ASXL3: variants seen among roughly 807,000 people sequenced by gnomAD.
The protein encoded by ASXL3 is ASXL transcriptional regulator 3, also known as putative Polycomb group protein ASXL3.
In ASXL3, 34 loss-of-function variants were observed where a neutral mutation model predicts 170.6. That is an observed-to-expected ratio of 0.20 (90% CI 0.15 to 0.27). The LOEUF is 0.27. ASXL3 is among the 10% of genes least tolerant of loss of function. The pLI, the probability that ASXL3 is intolerant of heterozygous loss-of-function variation, is 1.00. For synonymous variants in ASXL3, 1,002 were observed against 989.1 expected, an observed-to-expected ratio of 1.01 and a Z score of -0.24; for missense variants, 2,592 against 2,695.3, an observed-to-expected ratio of 0.96 and a Z score of 0.85.
At chr18:33,662,844 A>G (rs1001103783) in intron 5 of ASXL3, among the ~76,000 whole-genome samples, 6 of 152,196 alleles carry the variant, frequency 3.9e-5, no homozygotes, top group Non-Finnish European at 7.4e-5. Context: ...TTTAAGTTCC[A>G]CCAACCACTG....
At chr18:33,607,154 A>G (rs1433585746) in intron 1 of ASXL3, among the ~76,000 whole-genome samples, 1 of 151,990 alleles carries the variant, frequency 6.6e-6, no homozygotes, top group Non-Finnish European at 1.5e-5. Flanking sequence ...CCGTGAATCC[A>G]GTGAGGCTGT....
chr18:33,624,612 C>T (rs2065572040), intron 2 of ASXL3, among the ~76,000 whole-genome samples: 1 of 152,090 alleles, frequency 6.6e-6, no homozygotes, highest in South Asian at 2.1e-4. Flanking sequence ...TGCCCATTAT[C>T]TGATGGGTAT....
intron 1 of ASXL3, among the ~76,000 whole-genome samples, chr18:33,597,166 A>G (rs1165001946): frequency 3.9e-5 from 6 of 152,108 alleles, no homozygotes; most frequent in Non-Finnish European, 7.3e-5. Context: ...TATATAATAC[A>G]TGCATAAGTC....
chr18:33,720,216 C>T (rs2067236014), intron 8 of ASXL3, among the ~76,000 whole-genome samples: 1 of 152,018 alleles, frequency 6.6e-6, no homozygotes, highest in South Asian at 2.1e-4. Context: ...GTGCAAGGCT[C>T]TTGGATCAGC....
chr18:33,655,927 T>C (rs1340153933), intron 4 of ASXL3, among the ~76,000 whole-genome samples: 1 of 152,212 alleles, frequency 6.6e-6, no homozygotes, highest in Non-Finnish European at 1.5e-5. Flanking sequence ...ATTAATGGTC[T>C]ATATCTAGAC....
At chr18:33,616,605 T>A (rs1432280933) in intron 2 of ASXL3, 1 of 152,198 alleles carries the variant, frequency 6.6e-6, no homozygotes, top group African/African-American at 2.4e-5. Flanking sequence ...TGTGATTGTC[T>A]TAGTCAGCTT....
Position 33,744,716 on chromosome 18 carries a change from C to G in ASXL3, c.4868C>G (p.Thr1623Ser), listed in dbSNP as rs778114684. 6.2e-7 allele frequency: 1 copy of G among 1,613,052 alleles called. No individual in the cohort carries two copies. Among genetic ancestry groups the G allele is most frequent in the Non-Finnish European group, 8.5e-7 (1 of 1,179,442 alleles). Residue 1623 changes from threonine to serine, a missense_variant, in exon 12 of 12, where the codon ACT (threonine) becomes AGT (serine). Around this residue, in one of 4 missense-constraint regions of ASXL3, gnomAD observed 2,246 missense variants for 2,219.6 expected, o/e 1.01. Coordinates refer to ENST00000269197, the MANE Select transcript of ASXL3 (RefSeq NM_030632.3). ...AGGAGCACAGGACAGCCTCTGGTTA[C>G]TCACTCGGGTTCAAGTAAACAAAAA... is the stretch of plus-strand genomic sequence containing the variant. ...GMRSTGQPLVTHSGSSKQKEY... is the reference protein window; with the variant it reads ...GMRSTGQPLVSHSGSSKQKEY...
intron 4 of ASXL3, among the ~76,000 whole-genome samples, chr18:33,659,635 C>G (rs1418639937): frequency 1.3e-5 from 2 of 152,104 alleles, no homozygotes; most frequent in East Asian, 3.9e-4. Context: ...AGACTATAAA[C>G]TGATTATTAT....
rs2064959612 is a variant in ASXL3 at position 33,578,336 on chromosome 18, C to T, written c.-296C>T. 7.1e-6 allele frequency: 1 copy of T among 139,896 alleles called. No individual in the cohort carries two copies. Among genetic ancestry groups the T allele is most frequent in the Non-Finnish European group, 1.6e-5 (1 of 63,658 alleles). The allele number at this position is 139,896 out of a possible 1,614,324, so 8.7% of individuals were successfully genotyped here. On this transcript the variant is annotated 5_prime_UTR_variant, in exon 1 of 12. Coordinates refer to ENST00000269197, the MANE Select transcript of ASXL3 (RefSeq NM_030632.3). ...GCGAGCCCGGCCGGCGCCGCCCCCGCCCCTGGCCCGGGCCCCGCTGCTGCC... is the reference window on the plus strand; with the variant it reads ...GCGAGCCCGGCCGGCGCCGCCCCCGTCCCTGGCCCGGGCCCCGCTGCTGCC...
At chr18:33,630,811 C>A (rs1316427567) in intron 2 of ASXL3, among the ~76,000 whole-genome samples, 2 of 151,872 alleles carry the variant, frequency 1.3e-5, no homozygotes, top group African/African-American at 4.8e-5. Context: ...AAAACAATTA[C>A]AAATGATAAT....
Position 33,578,473 on chromosome 18 carries a change from G to GCCGCCGCCGCCA in ASXL3, c.-148_-147insACCGCCGCCGCC. Reference sequence around the variant, plus strand: ...ATCCCTCCCACCCGCCGCCGCCGCCGCCGCCGCCGCCGCCGCCGCCGCCGC... The same window carrying GCCGCCGCCGCCA: ...ATCCCTCCCACCCGCCGCCGCCGCCGCCGCCGCCGCCACCGCCGCCGCCGCCGCCGCCGCCGC... On this transcript the variant is annotated 5_prime_UTR_variant, in exon 1 of 12. Coordinates refer to ENST00000269197, the MANE Select transcript of ASXL3 (RefSeq NM_030632.3). 6.0e-6 allele frequency: 1 copy of GCCGCCGCCGCCA among 166,634 alleles called. No individual in the cohort carries two copies. The highest frequency in any genetic ancestry group is 1.1e-5 in the Non-Finnish European group (1 of 89,698). 10.3% of individuals were successfully genotyped at this position (166,634 alleles called of 1,614,324 possible). A position where few individuals can be genotyped will look rare whatever the true frequency, so the allele number is the denominator to read the frequency against.
chr18:33,621,383 A>G (rs1469300348), intron 2 of ASXL3, among the ~76,000 whole-genome samples: 1 of 152,212 alleles, frequency 6.6e-6, no homozygotes, highest in Non-Finnish European at 1.5e-5. Flanking sequence ...AAATGGAACT[A>G]TTGAAATAGT....
chr18:33,643,538 G>A (rs1315572399), intron 2 of ASXL3, among the ~76,000 whole-genome samples: 1 of 151,880 alleles, frequency 6.6e-6, no homozygotes, highest in African/African-American at 2.4e-5. Context: ...TGTTGGCACA[G>A]AGAAGCTGCT....
At chr18:33,649,227 G>T (rs1424557719) in intron 4 of ASXL3, among the ~76,000 whole-genome samples, 2 of 152,026 alleles carry the variant, frequency 1.3e-5, no homozygotes, top group African/African-American at 4.8e-5. Context: ...TTAGATGAGG[G>T]AGAATGGGAC....
intron 5 of ASXL3, among the ~76,000 whole-genome samples, chr18:33,663,222 C>G (rs1412522543): frequency 6.6e-6 from 1 of 152,080 alleles, no homozygotes; most frequent in South Asian, 2.1e-4. Flanking sequence ...TAATAAAATA[C>G]TAACCAGAAT....
At chr18:33,641,048 C>T (rs1371464762) in intron 2 of ASXL3, among the ~76,000 whole-genome samples, 1 of 151,910 alleles carries the variant, frequency 6.6e-6, no homozygotes, top group African/African-American at 2.4e-5. Context: ...AATAGTGGCT[C>T]TCAATTATAT....
chr18:33,590,374 A>G lies in ASXL3; in HGVS notation c.54+11689A>G, dbSNP rs574582374. Among the ~76,000 whole-genome samples, 216 of 152,226 alleles carry G rather than the reference A, an allele frequency of 1.4e-3. 2 individuals are homozygous for G. The highest frequency in any genetic ancestry group is 1.8e-3 in the African/African-American group (73 of 41,538). ...TATGCCCATTCCTGCACCAACAGCA[A>G]TTGCCAAGATCAGGTATCACGATTG... On this transcript the variant is annotated intron_variant, in intron 1 of 11. Transcript: ENST00000269197.
At chr18:33,741,995 A>AT (rs550995085) in intron 11 of ASXL3, among the ~76,000 whole-genome samples, 418 of 152,320 alleles carry the variant, frequency 2.7e-3, no homozygotes, top group Middle Eastern at 0.014. Flanking sequence ...CGAGTCTCTT[A>AT]ATTACCAAGA....
At chr18:33,723,430 T>G (rs1043658877) in intron 8 of ASXL3, among the ~76,000 whole-genome samples, 1 of 152,110 alleles carries the variant, frequency 6.6e-6, no homozygotes, top group African/African-American at 2.4e-5. Flanking sequence ...AAGACTTCAG[T>G]GGAGGAAGTC....
Sources: gnomAD v4.1 joint callset for allele counts (sites outside exome capture counted in the v4.1 genomes callset) on GRCh38, gnomAD v4.1.1 for gene constraint, gnomAD v4.1.1 regional missense constraint, MANE v1.5 for transcripts, NCBI Gene and HGNC (gene_info 2026-07-23, HGNC 2026-07-21) for gene names.